The following ADAM10 variants were observed in gnomAD, a reference collection of about 807,000 sequenced individuals.
The protein encoded by ADAM10 is ADAM metallopeptidase domain 10, also known as disintegrin and metalloproteinase domain-containing protein 10.
Under a neutral mutation model 90.1 loss-of-function variants are expected in ADAM10, and 17 were observed. That is an observed-to-expected ratio of 0.19 (90% CI 0.13 to 0.28). The LOEUF is 0.28. Ranked by LOEUF, ADAM10 falls within the 10% of genes least tolerant of loss-of-function variation. The pLI, the probability that ADAM10 is intolerant of heterozygous loss-of-function variation, is 1.00. For synonymous variants in ADAM10, 310 were observed against 298.6 expected (o/e 1.04, Z -0.40); for missense variants, 610 against 914.3 (o/e 0.67, Z 4.29).
chr15:58,606,973 G>A (rs1895295091), intron 14 of ADAM10, among the ~76,000 whole-genome samples: 1 of 152,210 alleles, frequency 6.6e-6, no homozygotes, highest in South Asian at 2.1e-4. Flanking sequence ...ACAAATGGGT[G>A]TGGCCATGTT....
intron 15 of ADAM10, among the ~76,000 whole-genome samples, chr15:58,598,456 C>T (rs549398885): frequency 2.3e-4 from 35 of 152,300 alleles, no homozygotes; most frequent in African/African-American, 8.4e-4. Flanking sequence ...AAGATACTGT[C>T]CTAGCATGAC....
chr15:58,682,377 A>AT, intron 2 of ADAM10, 63 bp from the exon 3 acceptor site: 1 of 1,566,712 alleles, frequency 6.4e-7, no homozygotes, highest in Non-Finnish European at 8.6e-7. Context: ...TTAAACAATT[A>AT]TTTTTTATTT....
chr15:58,643,861 GT>G (rs754946133), intron 7 of ADAM10, 24 bp downstream of exon 7: 30 of 1,535,752 alleles, frequency 2.0e-5, no homozygotes, highest in Non-Finnish European at 2.7e-5. Context: ...CTTTTTAAGT[GT>G]TTTTAACTAT....
intron 5 of ADAM10, among the ~76,000 whole-genome samples, chr15:58,648,363 T>G (rs1426508647): frequency 1.3e-5 from 2 of 152,122 alleles, no homozygotes; most frequent in Admixed American, 1.3e-4. Flanking sequence ...ACTCAAACAT[T>G]GAGAAGTATT....
rs538462355 is a variant in ADAM10 at position 58,685,788 on chromosome 15, A to G, written c.207-3474T>C. The stretch of plus-strand genomic sequence containing the variant: ...TTGTGGCATTTAAATTTTAAAACAT[A>G]CGAGCATATTTCTTATTCAAAAAAT... On this transcript the variant is annotated intron_variant, in intron 2 of 15. Coordinates refer to ENST00000260408, the MANE Select transcript of ADAM10 (RefSeq NM_001110.4). 2.6e-5 allele frequency among the ~76,000 whole-genome samples: 4 copies of G among 151,940 alleles called. No homozygotes were observed. The South Asian group carries it at 6.2e-4, about 24-fold the overall frequency.
At chr15:58,746,416 G>A (rs1281849907) in intron 1 of ADAM10, among the ~76,000 whole-genome samples, 2 of 152,180 alleles carry the variant, frequency 1.3e-5, no homozygotes, top group African/African-American at 4.8e-5. Context: ...GGGAGAGGCT[G>A]TACACATACA....
chr15:58,686,493 T>A, intron 2 of ADAM10: 1 of 1,420,972 alleles, frequency 7.0e-7, no homozygotes, highest in South Asian at 1.2e-5. Flanking sequence ...AGGATCAATG[T>A]CTCTCAGGCA....
chr15:58,588,820 A>G lies in ADAM10; in HGVS notation c.*8727T>C, dbSNP rs1894767224. Reference sequence around the variant, plus strand: ...CACAAACACAAATCTAGAGTCTCCCATTTTATTTCTAATTTGAGCTTTCTG... The same window carrying G: ...CACAAACACAAATCTAGAGTCTCCCGTTTTATTTCTAATTTGAGCTTTCTG... On this transcript the variant is annotated 3_prime_UTR_variant, in exon 16 of 16. Transcript: ENST00000260408. 1 of 152,126 alleles carries G rather than the reference A, an allele frequency of 6.6e-6. No individual in the cohort carries two copies. The highest frequency in any genetic ancestry group is 6.6e-5 in the Admixed American group (1 of 15,266). The allele number at this position is 152,126 out of a possible 1,614,324, so 9.4% of individuals were successfully genotyped here. A position where few individuals can be genotyped will look rare whatever the true frequency, so the allele number is the denominator to read the frequency against.
At chr15:58,665,071 A>G in intron 5 of ADAM10, 26 bp downstream of exon 5, 1 of 1,497,844 alleles carries the variant, frequency 6.7e-7, no homozygotes, top group East Asian at 2.3e-5. Flanking sequence ...CATTTCCTAA[A>G]TGCAAGCTAG....
At chr15:58,715,072 A>T (rs1898610504) in intron 2 of ADAM10, among the ~76,000 whole-genome samples, 1 of 152,200 alleles carries the variant, frequency 6.6e-6, no homozygotes, top group South Asian at 2.1e-4. Context: ...AAATTGGATG[A>T]ATTACAGAAA....
At chr15:58,679,919 AAAAC>A (rs1897383556) in intron 3 of ADAM10, among the ~76,000 whole-genome samples, 1 of 152,134 alleles carries the variant, frequency 6.6e-6, no homozygotes, top group Non-Finnish European at 1.5e-5. Flanking sequence ...AAAACAAAAC[AAAAC>A]AATTAATTGT....
chr15:58,621,957 G>A (rs1895799921), intron 10 of ADAM10, among the ~76,000 whole-genome samples: 1 of 151,754 alleles, frequency 6.6e-6, no homozygotes, highest in South Asian at 2.1e-4. Flanking sequence ...AACCAAGTTA[G>A]TGCTTCACTA....
chr15:58,608,088 A>G (rs1895328671), intron 14 of ADAM10, among the ~76,000 whole-genome samples: 2 of 152,190 alleles, frequency 1.3e-5, no homozygotes, highest in South Asian at 4.1e-4. Flanking sequence ...TATTTGGAAA[A>G]ATCAAAACAT....
Position 58,688,755 on chromosome 15 carries a change from G to GA in ADAM10, c.207-6442dup, listed in dbSNP as rs1194324566. On this transcript the variant is annotated intron_variant, in intron 2 of 15. Coordinates refer to ENST00000260408, the MANE Select transcript of ADAM10 (RefSeq NM_001110.4). ...AATTGGAAAATATAATTTCTAAAAT[G>GA]AAAAAAAAAATTATATATATATATA... Among the ~76,000 whole-genome samples the GA allele has an allele frequency of 1.2e-3, 122 of 101,722 alleles. 2 individuals are homozygous for GA. In the South Asian group the frequency reaches 0.012, roughly 10 times the overall value. 66.7% of individuals were successfully genotyped at this position (101,722 alleles called of 152,430 possible). A position where few individuals can be genotyped will look rare whatever the true frequency, so the allele number is the denominator to read the frequency against.
At chr15:58,741,673 C>CT (rs1371905872) in intron 1 of ADAM10, among the ~76,000 whole-genome samples, 1 of 152,190 alleles carries the variant, frequency 6.6e-6, no homozygotes, top group East Asian at 1.9e-4. Flanking sequence ...AGTTTTGTTA[C>CT]TTTCACGTTA....
intron 1 of ADAM10, among the ~76,000 whole-genome samples, chr15:58,720,927 C>G (rs555511459): frequency 1.3e-5 from 2 of 152,320 alleles, no homozygotes; most frequent in Non-Finnish European, 2.9e-5. Flanking sequence ...ATAGCACAAG[C>G]TTGGCTTTGC....
At chr15:58,700,099 A>T (rs1350064533) in intron 2 of ADAM10, among the ~76,000 whole-genome samples, 1 of 152,178 alleles carries the variant, frequency 6.6e-6, no homozygotes, top group African/African-American at 2.4e-5. Flanking sequence ...CGTAATGCAA[A>T]TATTATTAGA....
rs140094923 is a variant in ADAM10 at position 58,646,200 on chromosome 15, G to A, written c.590C>T (p.Pro197Leu). The change falls in exon 6 of 16, where the codon CCT becomes CTT. Residue 197 changes from proline to leucine, a missense_variant. Transcript: ENST00000260408. ...MTGVEEVTQI[P>L]QEEHAANGPE... ...ACCATTAGCAGCATGTTCTTCTTGA[G>A]GTATCTATACATCAAAAAGTCATTT... 19 of 1,611,848 alleles carry A rather than the reference G, an allele frequency of 1.2e-5. No homozygotes were observed. Among genetic ancestry groups the A allele is most frequent in the Non-Finnish European group, 1.5e-5 (18 of 1,179,494 alleles).
At chr15:58,630,351 G>A (rs1332783585) in intron 9 of ADAM10, among the ~76,000 whole-genome samples, 1 of 152,188 alleles carries the variant, frequency 6.6e-6, no homozygotes, top group African/African-American at 2.4e-5. Context: ...GCGGAGGAAA[G>A]TTTTAAAGGT....
Sources: allele counts gnomAD v4.1 joint callset (sites outside exome capture counted in the v4.1 genomes callset), GRCh38; gene constraint gnomAD v4.1.1; transcripts MANE v1.5; gene names NCBI Gene and HGNC (gene_info 2026-07-23, HGNC 2026-07-21).